AGBL1: variants seen among roughly 807,000 people sequenced by gnomAD.
The protein encoded by AGBL1 is cytosolic carboxypeptidase 4.
A neutral mutation model predicts 118.9 loss-of-function variants in AGBL1; 130 were observed. The ratio of observed to expected loss-of-function variants is 1.09; its 90% CI spans 0.95 to 1.26. AGBL1 has a LOEUF of 1.26. Among genes scored for constraint, AGBL1 ranks in the 50% most tolerant of loss-of-function variants. AGBL1 has a pLI of 0.00. For missense variants in AGBL1, 1,584 were observed against 1,298.1 expected (o/e 1.22, Z -3.38); for synonymous variants, 555 against 478.9 (o/e 1.16, Z -2.08).
At position 86,568,062 on chromosome 15, in the gene AGBL1, T is replaced by G. The variant is rs565483508; in HGVS notation, c.2994+13525T>G. Among the ~76,000 whole-genome samples the G allele has an allele frequency of 3.3e-5, 5 of 152,324 alleles. No homozygotes were observed. The East Asian group carries it at 9.7e-4, about 29-fold the overall frequency. ...TCAAATTCTCCTTATGCTCCCACTT[T>G]TACTTTTTTTTTCTTCATCCATGCT... On this transcript the variant is annotated intron_variant, in intron 21 of 22. Coordinates refer to ENST00000614907, the MANE Select transcript of AGBL1 (RefSeq NM_001386094.1).
intron 16 of AGBL1, among the ~76,000 whole-genome samples, chr15:86,287,753 A>AAG (rs755268174): frequency 2.6e-5 from 4 of 151,738 alleles, no homozygotes; most frequent in Admixed American, 2.6e-4. Context: ...TTTAATAAGA[A>AAG]AGAGAGAGAG....
chr15:86,867,686 C>G (rs1414241506), intron 22 of AGBL1, among the ~76,000 whole-genome samples: 1 of 151,976 alleles, frequency 6.6e-6, no homozygotes, highest in Non-Finnish European at 1.5e-5. Flanking sequence ...ATTTTAGGCT[C>G]AATTTTATTG....
chr15:86,724,304 A>G (rs1373427737), intron 22 of AGBL1, among the ~76,000 whole-genome samples: 1 of 151,932 alleles, frequency 6.6e-6, no homozygotes, highest in African/African-American at 2.4e-5. Context: ...ATCAATGACA[A>G]GAACATCGGC....
intron 5 of AGBL1, among the ~76,000 whole-genome samples, chr15:86,198,287 C>G (rs1367637433): frequency 1.3e-5 from 2 of 152,142 alleles, no homozygotes; most frequent in Non-Finnish European, 2.9e-5. Context: ...GAGCTCACAG[C>G]TATGGAGAAA....
chr15:86,225,940 A>C (rs1375846941), intron 6 of AGBL1, among the ~76,000 whole-genome samples: 2 of 152,124 alleles, frequency 1.3e-5, no homozygotes, highest in African/African-American at 4.8e-5. Context: ...GCTTGAATTC[A>C]TTTGGTTTAT....
intron 22 of AGBL1, among the ~76,000 whole-genome samples, chr15:86,717,903 C>A (rs2086661668): frequency 6.6e-6 from 1 of 152,058 alleles, no homozygotes; most frequent in Non-Finnish European, 1.5e-5. Flanking sequence ...CATGGTGAAA[C>A]CCCGTCTCTA....
chr15:86,254,220 C>G (rs1173036286), intron 7 of AGBL1, among the ~76,000 whole-genome samples: 1 of 152,242 alleles, frequency 6.6e-6, no homozygotes, highest in Admixed American at 6.5e-5. Context: ...GATGCCTTCT[C>G]TCTTCCCACT....
intron 24 of AGBL1, among the ~76,000 whole-genome samples, chr15:86,988,589 A>G (rs143636652): frequency 5.0e-4 from 76 of 152,300 alleles, no homozygotes; most frequent in African/African-American, 1.6e-3. Flanking sequence ...TCTTAATGCT[A>G]TTACATAAGG....
chr15:86,336,421 G>A (rs937028716), intron 17 of AGBL1, among the ~76,000 whole-genome samples: 3 of 152,228 alleles, frequency 2.0e-5, no homozygotes, highest in African/African-American at 4.8e-5. Flanking sequence ...GAAGCATAAA[G>A]CATGAGAGAA....
intron 7 of AGBL1, among the ~76,000 whole-genome samples, chr15:86,253,484 C>T (rs1342264339): frequency 6.6e-6 from 1 of 152,002 alleles, no homozygotes; most frequent in Non-Finnish European, 1.5e-5. Context: ...CTCTTGATGT[C>T]GTGATCCACC....
intron 5 of AGBL1, among the ~76,000 whole-genome samples, chr15:86,182,172 G>A (rs1271419035): frequency 6.6e-6 from 1 of 152,068 alleles, no homozygotes; most frequent in African/African-American, 2.4e-5. Context: ...TTTGAGACGA[G>A]TGGTAATGGG....
intron 22 of AGBL1, among the ~76,000 whole-genome samples, chr15:86,786,701 A>G (rs1300816673): frequency 2.0e-5 from 3 of 152,170 alleles, no homozygotes; most frequent in African/African-American, 7.2e-5. Context: ...GTCATGCTTT[A>G]TGAATCCTTC....
At chr15:86,464,442 G>A (rs914177190) in intron 18 of AGBL1, among the ~76,000 whole-genome samples, 3 of 152,132 alleles carry the variant, frequency 2.0e-5, no homozygotes, top group African/African-American at 7.2e-5. Flanking sequence ...TCTTTCTCTT[G>A]CCTGATTGCA....
intron 23 of AGBL1, among the ~76,000 whole-genome samples, chr15:86,966,330 T>A (rs1373854965): frequency 6.6e-6 from 1 of 151,966 alleles, no homozygotes; most frequent in South Asian, 2.1e-4. Context: ...ATATCTTTTT[T>A]TTTTATTATT....
intron 17 of AGBL1, among the ~76,000 whole-genome samples, chr15:86,373,420 G>A (rs1281302609): frequency 6.6e-6 from 1 of 152,184 alleles, no homozygotes; most frequent in Non-Finnish European, 1.5e-5. Context: ...GAGGGCATGG[G>A]AATCATAGAA....
chr15:86,390,660 A>ATTTTTTTTTTTTTTTTTTTTTTTT (rs756052402), intron 17 of AGBL1, among the ~76,000 whole-genome samples: 3 of 75,472 alleles, frequency 4.0e-5, no homozygotes, highest in African/African-American at 5.3e-5. Context: ...ATACTGTATG[A>ATTTTTTTTTTTTTTTTTTTTTTTT]TTTTTTTTTT....
intron 6 of AGBL1, among the ~76,000 whole-genome samples, chr15:86,236,108 GTTTATT>G (rs1380102933): frequency 6.6e-6 from 1 of 152,186 alleles, no homozygotes; most frequent in Non-Finnish European, 1.5e-5. Flanking sequence ...AGAAATGAAT[GTTTATT>G]TTTATTTTCA....
chr15:86,163,905 T>C (rs564820521), intron 5 of AGBL1, among the ~76,000 whole-genome samples: 1 of 152,346 alleles, frequency 6.6e-6, no homozygotes, highest in African/African-American at 2.4e-5. Context: ...TGGCTGCACA[T>C]GCAGAGTTCT....
At chr15:86,654,677 C>T (rs2085434264) in intron 21 of AGBL1, among the ~76,000 whole-genome samples, 1 of 152,070 alleles carries the variant, frequency 6.6e-6, no homozygotes, top group Admixed American at 6.6e-5. Context: ...CCTTTTGTTT[C>T]AAACCTTCTC....
Sources: allele counts gnomAD v4.1 joint callset (sites outside exome capture counted in the v4.1 genomes callset), GRCh38; gene constraint gnomAD v4.1.1; transcripts MANE v1.5; gene names NCBI Gene and HGNC (gene_info 2026-07-23, HGNC 2026-07-21).